NBPF12: variants seen among roughly 807,000 people sequenced by gnomAD.
NBPF12 encodes NBPF family member NBPF12.
NBPF12 carries 115 observed loss-of-function variants against 146.4 expected under a neutral mutation model. The ratio of observed to expected loss-of-function variants is 0.79; its 90% CI spans 0.68 to 0.92. NBPF12 has a LOEUF of 0.92. NBPF12 is among the 40% of genes least tolerant of loss of function. The pLI is 0.00. For synonymous variants in NBPF12, 385 were observed against 508.9 expected, an observed-to-expected ratio of 0.76 and a Z score of 3.28; for missense variants, 1,205 against 1,326.8, an observed-to-expected ratio of 0.91 and a Z score of 1.43.
intron 30 of NBPF12, 101 bp downstream of exon 33, chr1:146,991,386 T>G: frequency 1.3e-6 from 1 of 781,980 alleles, no homozygotes; most frequent in Non-Finnish European, 2.2e-6. Flanking sequence ...GAGACGTCAT[T>G]GCCACAGGCA....
At chr1:146,947,660 T>C (rs1327556577), upstream of NBPF12, among the ~76,000 whole-genome samples, 1 of 133,396 alleles carries the variant, frequency 7.5e-6, no homozygotes, top group Non-Finnish European at 1.6e-5. Context: ...AGTCATTTCC[T>C]AATCCCTGGT....
intron 2 of NBPF12, among the ~76,000 whole-genome samples, chr1:146,956,235 T>C (rs1417792603): frequency 1.3e-5 from 2 of 151,884 alleles, no homozygotes; most frequent in African/African-American, 4.8e-5. Context: ...AAAATTACAT[T>C]GATGCATGAA....
Position 146,964,341 on chromosome 1 carries a change from C to T in NBPF12, c.494-16C>T, listed in dbSNP as rs1257454944. The T allele has an allele frequency of 3.7e-6, 6 of 1,602,508 alleles. No homozygotes were observed. In the Admixed American group the frequency reaches 8.3e-5, roughly 22 times the overall value. On this transcript the variant is annotated splice_polypyrimidine_tract_variant and intron_variant, in intron 6 of 33. Coordinates refer to ENST00000617844, the Ensembl canonical transcript of NBPF12. ...GTGAAGTGGGACATATCTGAATGAACATTTTGTATTTATAGAAAATGATGA... is the reference window on the plus strand; with the variant it reads ...GTGAAGTGGGACATATCTGAATGAATATTTTGTATTTATAGAAAATGATGA...
upstream of NBPF12, among the ~76,000 whole-genome samples, chr1:146,948,514 G>GTAAAA (rs1655173989): frequency 6.6e-6 from 1 of 151,708 alleles, no homozygotes; most frequent in East Asian, 1.9e-4. Flanking sequence ...GCTGTTCAGG[G>GTAAAA]TGTGCTTTGT....
At chr1:146,992,381 A>T (rs1658223746) in intron 31 of NBPF12, among the ~76,000 whole-genome samples, 3 of 138,064 alleles carry the variant, frequency 2.2e-5, no homozygotes, top group Non-Finnish European at 4.7e-5. Flanking sequence ...ACTAACTCAG[A>T]GTGTCCTGTT....
At chr1:146,973,399 G>C (rs1656784244) in intron 14 of NBPF12, among the ~76,000 whole-genome samples, 1 of 151,674 alleles carries the variant, frequency 6.6e-6, no homozygotes, top group African/African-American at 2.4e-5. Flanking sequence ...GACTCTGAGG[G>C]AAACTTGGTG....
chr1:146,994,975 C>G (rs1658455566), exon 34 of NBPF12: 1 of 290,386 alleles, frequency 3.4e-6, no homozygotes, highest in Non-Finnish European at 6.5e-6. Flanking sequence ...ATGAACCTAA[C>G]CTCATTATTT....
intron 13 of NBPF12, among the ~76,000 whole-genome samples, chr1:146,972,063 G>C (rs1656669416): frequency 6.8e-6 from 1 of 147,334 alleles, no homozygotes; most frequent in East Asian, 2.0e-4. Flanking sequence ...ACTCCAGCCT[G>C]GGAGACAGAG....
intron 5 of NBPF12, among the ~76,000 whole-genome samples, chr1:146,962,531 G>T (rs1388364903): frequency 2.6e-5 from 4 of 151,622 alleles, no homozygotes; most frequent in East Asian, 1.9e-4. Context: ...CAAAGGAGTG[G>T]GAACCACCTA....
intron 31 of NBPF12, among the ~76,000 whole-genome samples, chr1:146,992,462 C>CTCTCTCTGTGTGTGTGTG (rs1450490306): frequency 1.5e-5 from 1 of 66,270 alleles, no homozygotes; most frequent in African/African-American, 7.2e-5. Context: ...CTCTCTCTCT[C>CTCTCTCTGTGTGTGTGTG]TGTGTGTGTG....
At chr1:146,989,626 C>T (rs1658022880) in exon 28 of NBPF12, 2 of 1,606,576 alleles carry the variant, frequency 1.2e-6, no homozygotes, top group Admixed American at 3.3e-5. Flanking sequence ...GCAGGACTCA[C>T]TGGATAGATG....
chr1:146,946,228 T>G (rs1266532342), upstream of NBPF12, among the ~76,000 whole-genome samples: 1 of 151,274 alleles, frequency 6.6e-6, no homozygotes, highest in Admixed American at 6.6e-5. Context: ...TTGACAATTA[T>G]GATAAAATTG....
chr1:146,962,425 T>C (rs1655912062), intron 5 of NBPF12, among the ~76,000 whole-genome samples, 162 bp downstream of exon 8: 1 of 152,062 alleles, frequency 6.6e-6, no homozygotes, highest in African/African-American at 2.4e-5. Context: ...ACAAGGATAA[T>C]AATAAGTTCT....
At chr1:146,960,264 A>G in exon 4 of NBPF12, 2 of 1,402,646 alleles carry the variant, frequency 1.4e-6, no homozygotes, top group Non-Finnish European at 2.0e-6. Context: ...CCTCAAAGAG[A>G]GATGTTTTCT....
At chr1:146,946,751 G>T (rs1181650413), upstream of NBPF12, among the ~76,000 whole-genome samples, 7 of 149,752 alleles carry the variant, frequency 4.7e-5, no homozygotes, top group African/African-American at 1.7e-4. Flanking sequence ...TATTTAAGAA[G>T]CCATCATTGA....
chr1:146,962,579 A>T (rs1655924399), intron 5 of NBPF12, among the ~76,000 whole-genome samples: 1 of 151,338 alleles, frequency 6.6e-6, no homozygotes, highest in Non-Finnish European at 1.5e-5. Context: ...TGCTATTGCC[A>T]CCCCACTTAC....
At chr1:146,964,737 G>A (rs1225280388) in intron 7 of NBPF12, among the ~76,000 whole-genome samples, 156 bp from the exon 11 acceptor site, 11 of 152,168 alleles carry the variant, frequency 7.2e-5, no homozygotes, top group African/African-American at 2.7e-4. Context: ...CTGTTGCAGA[G>A]AGAAGAGGAT....
chr1:146,971,036 A>G (rs1395928895), intron 12 of NBPF12, 147 bp from the exon 16 acceptor site: 1 of 1,260,020 alleles, frequency 7.9e-7, no homozygotes, highest in Non-Finnish European at 1.2e-6. Flanking sequence ...AGAGAAGAGG[A>G]TTGCCTGTTC....
chr1:146,944,635 A>G (rs1332829072), upstream of NBPF12, among the ~76,000 whole-genome samples: 1 of 151,012 alleles, frequency 6.6e-6, no homozygotes, highest in African/African-American at 2.4e-5. Context: ...AATGTGTTTC[A>G]GGAGGAAGAA....
Sources: gnomAD v4.1 joint callset for allele counts (sites outside exome capture counted in the v4.1 genomes callset) on GRCh38, gnomAD v4.1.1 for gene constraint, MANE v1.5 for transcripts, NCBI Gene and HGNC (gene_info 2026-07-23, HGNC 2026-07-21) for gene names.